Variants in LONP2 observed in about 807,000 individuals in gnomAD.
The protein encoded by LONP2 is lon peptidase 2, peroxisomal, also known as lon protease homolog 2, peroxisomal.
In LONP2, 60 loss-of-function variants were observed where a neutral mutation model predicts 85.6. That is an observed-to-expected ratio of 0.70 (90% confidence interval 0.57 to 0.87). The LOEUF is 0.87. LONP2 is among the 40% of genes least tolerant of loss of function. The probability of loss-of-function intolerance (pLI) is 0.00; values close to 1 mark genes in which losing one functional copy is unlikely to be tolerated. For synonymous variants in LONP2, 395 were observed against 389.7 expected (o/e 1.01, Z -0.16); for missense variants, 860 against 1,063.5 (o/e 0.81, Z 2.66).
intron 14 of LONP2, among the ~76,000 whole-genome samples, chr16:48,349,671 C>T (rs568571083): frequency 3.3e-5 from 5 of 152,172 alleles, no homozygotes; most frequent in East Asian, 1.9e-4. Context: ...GAGGACAAGA[C>T]GGGGCTTTGG....
intron 11 of LONP2, among the ~76,000 whole-genome samples, chr16:48,324,178 A>C (rs916991033): frequency 6.6e-6 from 1 of 152,206 alleles, no homozygotes; most frequent in Admixed American, 6.5e-5. Context: ...TAGCCTTGTG[A>C]CACATATTTC....
intron 1 of LONP2, 41 bp downstream of exon 1, chr16:48,244,662 C>G: frequency 7.7e-7 from 1 of 1,298,948 alleles, no homozygotes; most frequent in Non-Finnish European, 9.9e-7. Context: ...GGCGGCGCGG[C>G]CTCCTCCGGG....
At chr16:48,308,335 A>C (rs538607874) in intron 11 of LONP2, among the ~76,000 whole-genome samples, 3 of 152,262 alleles carry the variant, frequency 2.0e-5, no homozygotes, top group African/African-American at 7.2e-5. Context: ...TTATATAAAA[A>C]TCAACTCGAG....
chr16:48,285,597 C>A (rs55991548), intron 8 of LONP2, among the ~76,000 whole-genome samples: 48 of 152,136 alleles, frequency 3.2e-4, no homozygotes, highest in African/African-American at 1.1e-3. Context: ...TTGATTCTTT[C>A]TTCTGCCAGC....
intron 11 of LONP2, among the ~76,000 whole-genome samples, chr16:48,307,137 G>C (rs1972927321): frequency 6.6e-6 from 1 of 152,176 alleles, no homozygotes; most frequent in Non-Finnish European, 1.5e-5. Context: ...AATAATAGCA[G>C]GGAGTTTAAA....
chr16:48,356,512 TAAAAAA>T lies in LONP2; in HGVS notation c.*4726_*4731del, dbSNP rs535516550. 1.1e-4 allele frequency: 9 copies of T among 82,074 alleles called. No individual in the cohort carries two copies. The South Asian group carries it at 1.1e-3, about 10-fold the overall frequency. 5.1% of individuals were successfully genotyped at this position (82,074 alleles called of 1,614,324 possible). A position where few individuals can be genotyped will look rare whatever the true frequency, so the allele number is the denominator to read the frequency against. On this transcript the variant is annotated 3_prime_UTR_variant, in exon 15 of 15. Transcript: ENST00000285737. ...TGCCATGAAAATTGTATCCAGCAGC[TAAAAAA>T]AAAAAAAAAAAAAAAGACTACAGTT...
chr16:48,272,655 A>C (rs1228696936), intron 7 of LONP2, among the ~76,000 whole-genome samples: 4 of 152,174 alleles, frequency 2.6e-5, no homozygotes, highest in Non-Finnish European at 2.9e-5. Flanking sequence ...AAAAAGTATA[A>C]GGATTTGTTT....
downstream of LONP2, among the ~76,000 whole-genome samples, chr16:48,358,720 A>AT (rs1960465184): frequency 6.6e-6 from 1 of 152,058 alleles, no homozygotes; most frequent in Admixed American, 6.6e-5. Context: ...ACGCAGGAGG[A>AT]TGAGATGGGA....
At position 48,353,656 on chromosome 16, in the gene LONP2, A is replaced by G. The variant is rs1960228854; in HGVS notation, c.*1854A>G. Reference sequence around the variant, plus strand: ...ACATCGGGATGTTTGAAAATATGCCATTGACTATCTTAACTACTGTAATTT... The same window carrying G: ...ACATCGGGATGTTTGAAAATATGCCGTTGACTATCTTAACTACTGTAATTT... On this transcript the variant is annotated 3_prime_UTR_variant, in exon 15 of 15. Transcript: ENST00000285737. 6.6e-6 allele frequency: 1 copy of G among 152,184 alleles called. No individual in the cohort carries two copies. Among genetic ancestry groups the G allele is most frequent in the East Asian group, 1.9e-4 (1 of 5,192 alleles). 9.4% of individuals were successfully genotyped at this position (152,184 alleles called of 1,614,324 possible). A position where few individuals can be genotyped will look rare whatever the true frequency, so the allele number is the denominator to read the frequency against.
intron 12 of LONP2, chr16:48,336,477 C>CTG: frequency 2.2e-6 from 1 of 455,692 alleles, no homozygotes; most frequent in Non-Finnish European, 4.4e-6. Context: ...AGCAACAAGG[C>CTG]TGTTATTTCA....
At chr16:48,338,907 CAAAAA>C (rs1959735029) in intron 12 of LONP2, among the ~76,000 whole-genome samples, 1 of 151,484 alleles carries the variant, frequency 6.6e-6, no homozygotes, top group Non-Finnish European at 1.5e-5. Flanking sequence ...GACCCTGTCT[CAAAAA>C]AATAAAATAA....
chr16:48,257,062 A>G (rs1210940136), intron 3 of LONP2, among the ~76,000 whole-genome samples: 1 of 152,238 alleles, frequency 6.6e-6, no homozygotes, highest in Non-Finnish European at 1.5e-5. Flanking sequence ...CTGTAGTCCC[A>G]GCACTTTGGG....
chr16:48,274,702 GA>G (rs1265985515), intron 7 of LONP2, among the ~76,000 whole-genome samples: 1 of 151,714 alleles, frequency 6.6e-6, no homozygotes, highest in African/African-American at 2.4e-5. Flanking sequence ...ACCCTTGGTA[GA>G]AAATGTGAAA....
intron 12 of LONP2, among the ~76,000 whole-genome samples, chr16:48,346,347 G>A (rs1959964319): frequency 6.6e-6 from 1 of 152,174 alleles, no homozygotes; most frequent in Non-Finnish European, 1.5e-5. Context: ...TGTAATGAGA[G>A]TTAACATTAC....
At position 48,261,588 on chromosome 16, in the gene LONP2, G is replaced by T; in HGVS notation, c.887+1G>T. On this transcript the variant is annotated splice_donor_variant, in intron 5 of 14. Coordinates refer to ENST00000285737, the MANE Select transcript of LONP2 (RefSeq NM_031490.5). LOFTEE classifies it high-confidence loss of function. ...AAGTCTGTGTCAAAGAGATAAAGAG[G>T]TAAATTATAAAAGGCATTTGTTCAT... 6.4e-7 allele frequency: 1 copy of T among 1,550,806 alleles called. No homozygotes were observed. The highest frequency in any genetic ancestry group is 8.7e-7 in the Non-Finnish European group (1 of 1,149,038).
chr16:48,251,088 A>T (rs188513209), intron 1 of LONP2, among the ~76,000 whole-genome samples: 82 of 152,354 alleles, frequency 5.4e-4, no homozygotes, highest in African/African-American at 1.9e-3. Flanking sequence ...TGAGTAATTT[A>T]TAAGGAAGTA....
chr16:48,289,425 C>A (rs1289591394), intron 8 of LONP2, among the ~76,000 whole-genome samples: 1 of 152,146 alleles, frequency 6.6e-6, no homozygotes, highest in South Asian at 2.1e-4. Context: ...CCCTTGTGTT[C>A]TTTTGAGTTT....
chr16:48,360,430 T>C (rs2151042456), downstream of LONP2: 1 of 152,688 alleles, frequency 6.5e-6, no homozygotes, highest in Middle Eastern at 3.4e-3. Flanking sequence ...CACTTAAAAA[T>C]GACAACACAC....
Position 48,354,589 on chromosome 16 carries a change from C to CTGTGG in LONP2, c.*2789_*2790insTGGTG, listed in dbSNP as rs1960266702. On this transcript the variant is annotated 3_prime_UTR_variant, in exon 15 of 15. Transcript: ENST00000285737. ...CCAAATTCCACCCTCACCCCAGACC[C>CTGTGG]TGGTAACCACTATTTCACTTTCTTT... is the stretch of plus-strand genomic sequence containing the variant. 1 of 152,292 alleles carries CTGTGG rather than the reference C, an allele frequency of 6.6e-6. No homozygotes were observed. The highest frequency in any genetic ancestry group is 6.5e-5 in the Admixed American group (1 of 15,278). The allele number at this position is 152,292 out of a possible 1,614,324, so 9.4% of individuals were successfully genotyped here.
Sources: allele counts gnomAD v4.1 joint callset (sites outside exome capture counted in the v4.1 genomes callset), GRCh38; gene constraint gnomAD v4.1.1; transcripts MANE v1.5; gene names NCBI Gene and HGNC (gene_info 2026-07-23, HGNC 2026-07-21).